Variants in ZFP42 observed in about 807,000 individuals in gnomAD.
ZFP42 encodes the protein zinc finger protein 42 homolog.
For synonymous variants in ZFP42, 175 were observed against 144.6 expected (o/e 1.21, Z -1.51); for missense variants, 438 against 377.1 (o/e 1.16, Z -1.34).
rs199624292 is a variant in ZFP42, at chr4:187,998,310, TG to T, written c.-338-795del. ...GAGATCACGCTGTTGCACTCCAGCC[TG>T]GGCAACAAGAGGGAAACTCTGTCTC... is the stretch of plus-strand genomic sequence containing the variant. On this transcript the variant is annotated intron_variant, in intron 1 of 3. Coordinates refer to ENST00000326866, the MANE Select transcript of ZFP42 (RefSeq NM_174900.5). Among the ~76,000 whole-genome samples, 1,400 of 151,962 alleles carry T rather than the reference TG, an allele frequency of 9.2e-3. 24 individuals carry two copies. The highest frequency in any genetic ancestry group is 0.032 in the African/African-American group (1,336 of 41,482).
chr4:188,002,950 C>T lies in ZFP42; in HGVS notation c.143C>T (p.Ala48Val). The T allele has an allele frequency of 6.2e-7, 1 of 1,614,114 alleles. No individual in the cohort carries two copies. The highest frequency in any genetic ancestry group is 8.5e-7 in the Non-Finnish European group (1 of 1,180,026). Residue 48 changes from alanine (A) to valine (V), a missense_variant, in exon 4 of 4, where the codon GCC becomes GTC. By Grantham distance (64) the Ala-to-Val change is moderately conservative. Coordinates refer to ENST00000326866, the MANE Select transcript of ZFP42 (RefSeq NM_174900.5). ...AEIEPVSAVWALCDGYVCYEP... is the reference protein window; with the variant it reads ...AEIEPVSAVWVLCDGYVCYEP... The stretch of plus-strand genomic sequence containing the variant: ...ATAGAACCTGTCAGCGCGGTGTGGG[C>T]CTTATGTGATGGCTATGTGTGCTAT...
chr4:188,000,033 T>C (rs895413951), intron 3 of ZFP42, among the ~76,000 whole-genome samples: 9 of 152,190 alleles, frequency 5.9e-5, no homozygotes, highest in African/African-American at 1.9e-4. Flanking sequence ...ACAGGTTGAG[T>C]ATTTTTTATC....
At chr4:187,997,630 G>A (rs1399187368) in intron 1 of ZFP42, among the ~76,000 whole-genome samples, 1 of 151,804 alleles carries the variant, frequency 6.6e-6, no homozygotes, top group East Asian at 1.9e-4. Context: ...GTGTTAACGA[G>A]GAACTTTGCA....
rs569391800 is a variant in ZFP42 at position 187,997,948 on chromosome 4, GAA to G, written c.-338-1155_-338-1154del. Among the ~76,000 whole-genome samples, 647 of 152,166 alleles carry G rather than the reference GAA, an allele frequency of 4.3e-3. 5 individuals are homozygous for G. The highest frequency in any genetic ancestry group is 0.015 in the African/African-American group (625 of 41,548). On this transcript the variant is annotated intron_variant, in intron 1 of 3. Transcript: ENST00000326866. ...AAATTTTACAGAATAAGAATATAAAGAAAAAATATTTTTGTACAGGTGAAAAA... is the reference window on the plus strand; with the variant it reads ...AAATTTTACAGAATAAGAATATAAAGAAAATATTTTTGTACAGGTGAAAAA...
chr4:188,003,897 C>T lies in ZFP42; in HGVS notation c.*157C>T, dbSNP rs1733953178. 1.5e-6 allele frequency: 1 copy of T among 655,892 alleles called. No homozygotes were observed. The highest frequency in any genetic ancestry group is 3.5e-5 in the Admixed American group (1 of 28,784). 40.6% of individuals were successfully genotyped at this position (655,892 alleles called of 1,614,324 possible). ...AAGATGCTCCTACACTTTGTGATAC[C>T]GTTTTAAGGACATGGTGCATTTTTT... is the stretch of plus-strand genomic sequence containing the variant. On this transcript the variant is annotated 3_prime_UTR_variant, in exon 4 of 4. Transcript: ENST00000326866.
chr4:187,996,568 C>A (rs1733577560), intron 1 of ZFP42, among the ~76,000 whole-genome samples: 1 of 152,110 alleles, frequency 6.6e-6, no homozygotes, highest in Admixed American at 6.6e-5. Context: ...CCTCAGCCTC[C>A]CAAAGTGCTG....
Position 188,005,029 on chromosome 4 carries a change from A to G in ZFP42, c.*1289A>G, listed in dbSNP as rs1734000679. 1 of 167,098 alleles carries G rather than the reference A, an allele frequency of 6.0e-6. No individual in the cohort carries two copies. Among genetic ancestry groups the G allele is most frequent in the Non-Finnish European group, 1.5e-5 (1 of 68,130 alleles). The allele number at this position is 167,098 out of a possible 1,614,324, so 10.4% of individuals were successfully genotyped here. ...AATCCATTTTAGATATTTCACAATT[A>G]AAGAATATGAAACTTCAGAAATATG... On this transcript the variant is annotated 3_prime_UTR_variant, in exon 4 of 4. Coordinates refer to ENST00000326866, the MANE Select transcript of ZFP42 (RefSeq NM_174900.5).
chr4:188,003,140 C>G lies in ZFP42; in HGVS notation c.333C>G (p.Phe111Leu). Residue 111 changes from phenylalanine (F) to leucine (L), a missense_variant, in exon 4 of 4, where the codon TTC (phenylalanine) becomes TTG (leucine). Phe to Leu is a conservative substitution (Grantham distance 22). Coordinates refer to ENST00000326866, the MANE Select transcript of ZFP42 (RefSeq NM_174900.5). ...GSEQQLSQKVFEASSLECSLE... is the reference protein window; with the variant it reads ...GSEQQLSQKVLEASSLECSLE... ...AACAACAGCTTTCTCAAAAGGTTTT[C>G]GAAGCAAGCTCCCTTGAATGTTCTT... is the stretch of plus-strand genomic sequence containing the variant. The G allele has an allele frequency of 6.2e-7, 1 of 1,613,958 alleles. No individual in the cohort carries two copies. Among genetic ancestry groups the G allele is most frequent in the South Asian group, 1.1e-5 (1 of 91,064 alleles).
chr4:187,996,971 G>T (rs893345634), intron 1 of ZFP42, among the ~76,000 whole-genome samples: 3 of 149,276 alleles, frequency 2.0e-5, no homozygotes, highest in Non-Finnish European at 4.5e-5. Context: ...CCACCTTCCT[G>T]CCCGCCATAG....
At chr4:187,998,190 G>C (rs1733674508) in intron 1 of ZFP42, among the ~76,000 whole-genome samples, 1 of 152,074 alleles carries the variant, frequency 6.6e-6, no homozygotes, top group Admixed American at 6.6e-5. Flanking sequence ...TACGAAATTA[G>C]CTGGGCGTGG....
intron 3 of ZFP42, among the ~76,000 whole-genome samples, chr4:188,000,811 G>A (rs532126354): frequency 1.3e-5 from 2 of 151,912 alleles, no homozygotes; most frequent in East Asian, 2.0e-4. Context: ...ATGAAATCCC[G>A]TATCTACTAA....
At chr4:187,998,062 C>T (rs148468761) in intron 1 of ZFP42, among the ~76,000 whole-genome samples, 3 of 152,228 alleles carry the variant, frequency 2.0e-5, no homozygotes, top group Non-Finnish European at 2.9e-5. Flanking sequence ...AGAGTCTGGG[C>T]GCGGTGGCTC....
At chr4:187,998,291 A>G (rs938089827) in intron 1 of ZFP42, among the ~76,000 whole-genome samples, 1 of 152,110 alleles carries the variant, frequency 6.6e-6, no homozygotes, top group Admixed American at 6.5e-5. Context: ...AGCGGAGATC[A>G]CGCTGTTGCA....
In ZFP42 at chr4:188,003,316, A is replaced by C. The variant is rs140438061; in HGVS notation, c.509A>C (p.Glu170Ala). Residue 170 changes from glutamate (E) to alanine (A), a missense_variant, in exon 4 of 4, where the codon GAA becomes GCA. Coordinates refer to ENST00000326866, the MANE Select transcript of ZFP42 (RefSeq NM_174900.5). ...IDLSDPKQLA[E>A]FARKKPPINK... is the part of the protein sequence containing the mutation. ...CTATCAGATCCTAAACAGCTCGCAG[A>C]ATTTGCTAGAAAGAAGCCCCCCATA... 6.8e-6 allele frequency: 11 copies of C among 1,613,978 alleles called. No homozygotes were observed. The highest frequency in any genetic ancestry group is 8.5e-6 in the Non-Finnish European group (10 of 1,180,054).
At chr4:187,996,456 G>A (rs371255590) in intron 1 of ZFP42, among the ~76,000 whole-genome samples, 1 of 152,042 alleles carries the variant, frequency 6.6e-6, no homozygotes, top group Admixed American at 6.6e-5. Flanking sequence ...GATTACAGGC[G>A]CCCTTCACTG....
chr4:188,003,752 G>A lies in ZFP42; in HGVS notation c.*12G>A. 6.3e-7 allele frequency: 1 copy of A among 1,595,896 alleles called. No individual in the cohort carries two copies. The highest frequency in any genetic ancestry group is 8.6e-7 in the Non-Finnish European group (1 of 1,168,094). ...AAGAGGGAAAGTAGTCCTCCAACAG[G>A]ATGAAGCAGATTAACAGAAGAGTGA... On this transcript the variant is annotated 3_prime_UTR_variant, in exon 4 of 4. Coordinates refer to ENST00000326866, the MANE Select transcript of ZFP42 (RefSeq NM_174900.5).
At chr4:188,001,917 G>A (rs545530743) in intron 3 of ZFP42, among the ~76,000 whole-genome samples, 4 of 152,316 alleles carry the variant, frequency 2.6e-5, no homozygotes, top group South Asian at 4.1e-4. Flanking sequence ...GGTGGCTCAC[G>A]CCTGTAATCC....
At chr4:187,996,805 C>T (rs899865338) in intron 1 of ZFP42, among the ~76,000 whole-genome samples, 1 of 152,184 alleles carries the variant, frequency 6.6e-6, no homozygotes, top group Non-Finnish European at 1.5e-5. Context: ...CTCCCCAAAT[C>T]CATTCTCCAT....
At chr4:188,000,167 A>G (rs566276499) in intron 3 of ZFP42, among the ~76,000 whole-genome samples, 2 of 152,230 alleles carry the variant, frequency 1.3e-5, no homozygotes, top group South Asian at 4.2e-4. Flanking sequence ...TCCAATGAGA[A>G]TTTCCTTTAA....
Sources: allele counts gnomAD v4.1 joint callset (sites outside exome capture counted in the v4.1 genomes callset), GRCh38; gene constraint gnomAD v4.1.1; transcripts MANE v1.5; gene names NCBI Gene and HGNC (gene_info 2026-07-23, HGNC 2026-07-21).